Variants in XDH observed in about 807,000 individuals in gnomAD.
The protein encoded by XDH is xanthine dehydrogenase/oxidase.
A neutral mutation model predicts 156.1 loss-of-function variants in XDH; 138 were observed. The ratio of observed to expected loss-of-function variants is 0.88; its 90% CI spans 0.77 to 1.02. XDH has a LOEUF of 1.02. Among genes scored for constraint, XDH ranks in the 50% least tolerant of loss-of-function variants. XDH has a pLI of 0.00. For synonymous variants in XDH, 669 were observed against 625.7 expected (o/e 1.07, Z -1.03); for missense variants, 1,849 against 1,684.9 (o/e 1.10, Z -1.71).
intron 1 of XDH, among the ~76,000 whole-genome samples, chr2:31,412,134 T>C (rs771342719): frequency 2.6e-5 from 4 of 152,206 alleles, no homozygotes; most frequent in Non-Finnish European, 5.9e-5. Context: ...TCAGAAAAGC[T>C]AGAATGCTGC....
At chr2:31,358,151 C>T (rs893815074) in intron 24 of XDH, among the ~76,000 whole-genome samples, 2 of 152,020 alleles carry the variant, frequency 1.3e-5, no homozygotes, top group African/African-American at 2.4e-5. Context: ...CTTCTCAGCA[C>T]CACATCACAC....
Position 31,367,944 on chromosome 2 carries a change from G to A in XDH, c.2197+17C>T. On this transcript the variant is annotated intron_variant, in intron 20 of 35. Transcript: ENST00000379416. ...CCAGGGCCACCCCATTCCCACTGCG[G>A]CATGGAACAGCTCTACCTGACACAA... The A allele has an allele frequency of 6.2e-7, 1 of 1,613,284 alleles. No individual in the cohort carries two copies. The highest frequency in any genetic ancestry group is 1.1e-5 in the South Asian group (1 of 91,068).
At chr2:31,361,770 C>T (rs1317206384) in intron 24 of XDH, among the ~76,000 whole-genome samples, 2 of 152,088 alleles carry the variant, frequency 1.3e-5, no homozygotes, top group Admixed American at 1.3e-4. Flanking sequence ...TTTCACAGAT[C>T]CTCAATATGT....
rs149244412 is a variant in XDH, at chr2:31,357,763, C to T, written c.2631+6395G>A. On this transcript the variant is annotated intron_variant, in intron 24 of 35. Coordinates refer to ENST00000379416, the MANE Select transcript of XDH (RefSeq NM_000379.4). Reference sequence around the variant, plus strand: ...AAATTCTTGAGGTGATAGATATTGACGTTACCCTGATTTGTTTATCCTGAT... The same window carrying T: ...AAATTCTTGAGGTGATAGATATTGATGTTACCCTGATTTGTTTATCCTGAT... Among the ~76,000 whole-genome samples, 214 of 151,938 alleles carry T rather than the reference C, an allele frequency of 1.4e-3. 1 individual carries two copies. The highest frequency in any genetic ancestry group is 5.8e-3 in the Admixed American group (89 of 15,280).
intron 24 of XDH, among the ~76,000 whole-genome samples, chr2:31,360,652 T>C (rs919488711): frequency 1.3e-5 from 2 of 152,220 alleles, no homozygotes; most frequent in African/African-American, 4.8e-5. Flanking sequence ...AGTCCCGCCT[T>C]GGTTGTCAGA....
At chr2:31,377,591 C>T (rs971969039) in intron 13 of XDH, among the ~76,000 whole-genome samples, 16 of 152,262 alleles carry the variant, frequency 1.1e-4, no homozygotes, top group Admixed American at 3.3e-4. Context: ...CCCTTACCTT[C>T]CCTACCCTGG....
chr2:31,364,281 T>A (rs1685851611), intron 23 of XDH, 37 bp from the exon 24 acceptor site: 1 of 1,602,664 alleles, frequency 6.2e-7, no homozygotes, highest in African/African-American at 1.3e-5. Flanking sequence ...TTATCATAAG[T>A]CCCGTTTCCC....
At chr2:31,370,595 T>C in intron 17 of XDH, 117 bp from the exon 18 acceptor site, 1 of 1,318,790 alleles carries the variant, frequency 7.6e-7, no homozygotes, top group Non-Finnish European at 1.1e-6. Flanking sequence ...AATTCCTCGA[T>C]TCTCTGCTTC....
At chr2:31,405,808 C>T in intron 2 of XDH, 99 bp downstream of exon 2, 2 of 1,431,712 alleles carry the variant, frequency 1.4e-6, no homozygotes, top group Admixed American at 3.4e-5. Context: ...CTCCACACCT[C>T]AAGGCCACCC....
At chr2:31,391,012 T>C (rs1365620754) in intron 6 of XDH, among the ~76,000 whole-genome samples, 1 of 152,244 alleles carries the variant, frequency 6.6e-6, no homozygotes, top group Non-Finnish European at 1.5e-5. Context: ...ATTTCTTTTA[T>C]GGATCATGCC....
At chr2:31,404,090 C>A (rs918109666) in intron 2 of XDH, among the ~76,000 whole-genome samples, 5 of 151,564 alleles carry the variant, frequency 3.3e-5, no homozygotes, top group South Asian at 2.1e-4. Context: ...TTAAAAAAAA[C>A]AACAAACTGA....
At chr2:31,340,652 T>G (rs1685101611) in intron 33 of XDH, among the ~76,000 whole-genome samples, 1 of 152,118 alleles carries the variant, frequency 6.6e-6, no homozygotes, top group African/African-American at 2.4e-5. Context: ...GTATTTTTAA[T>G]AGAGACGGAG....
intron 24 of XDH, among the ~76,000 whole-genome samples, chr2:31,356,517 G>T (rs1423112747): frequency 6.6e-6 from 1 of 152,120 alleles, no homozygotes; most frequent in African/African-American, 2.4e-5. Flanking sequence ...GAAGGTGATG[G>T]GAAGACAAAG....
At chr2:31,368,099 G>C in intron 19 of XDH, 42 bp from the exon 20 acceptor site, 2 of 1,573,316 alleles carry the variant, frequency 1.3e-6, no homozygotes, top group Non-Finnish European at 1.7e-6. Context: ...GCTTTTAGCA[G>C]GGAGGGAAAG....
intron 1 of XDH, among the ~76,000 whole-genome samples, chr2:31,410,058 A>C (rs1377523986): frequency 6.6e-6 from 1 of 152,226 alleles, no homozygotes; most frequent in Non-Finnish European, 1.5e-5. Context: ...ATTCAACCTG[A>C]GAAAGGAAGG....
intron 1 of XDH, among the ~76,000 whole-genome samples, chr2:31,412,360 C>G (rs141752112): frequency 6.0e-4 from 92 of 152,176 alleles, no homozygotes; most frequent in African/African-American, 1.6e-3. Context: ...TGGTACAAAA[C>G]AAGGAGAGGA....
At chr2:31,395,390 G>T (rs1296361892) in intron 6 of XDH, among the ~76,000 whole-genome samples, 2 of 152,140 alleles carry the variant, frequency 1.3e-5, no homozygotes, top group African/African-American at 4.8e-5. Flanking sequence ...GGTAGGCGAG[G>T]ATCTAATATA....
chr2:31,400,863 G>A (rs1209688774), intron 4 of XDH, among the ~76,000 whole-genome samples: 1 of 152,212 alleles, frequency 6.6e-6, no homozygotes. Context: ...TCAAATCTGG[G>A]AAGGCTGGGA....
Position 31,403,050 on chromosome 2 carries a change from G to C in XDH, c.195C>G (p.Ile65Met), listed in dbSNP as rs549472058. 6.2e-7 allele frequency: 1 copy of C among 1,614,070 alleles called. No individual in the cohort carries two copies. Among genetic ancestry groups the C allele is most frequent in the African/African-American group, 1.3e-5 (1 of 75,028 alleles). The change falls in exon 3 of 36, where the codon ATC (isoleucine) becomes ATG (methionine). Residue 65 changes from isoleucine (I) to methionine (M), a missense_variant and splice_region_variant. Physicochemically the swap from Ile to Met is conservative, Grantham distance 10. Transcript: ENST00000379416. ...GTCAGCCAGCAGGCAAAGGATACAC[G>C]ATCTTGTTCTGCAGACGATCATACT... ...LSKYDRLQNK[I>M]VHFSANACLA...
Sources: allele counts gnomAD v4.1 joint callset (sites outside exome capture counted in the v4.1 genomes callset), GRCh38; gene constraint gnomAD v4.1.1; transcripts MANE v1.5; gene names NCBI Gene and HGNC (gene_info 2026-07-23, HGNC 2026-07-21).